The following LRFN5 variants were observed in gnomAD, a reference collection of about 807,000 sequenced individuals.
LRFN5 encodes the protein leucine-rich repeat and fibronectin type-III domain-containing protein 5.
LRFN5 carries 24 observed loss-of-function variants against 45.6 expected under a neutral mutation model. The observed-to-expected ratio is 0.53, with a 90% confidence interval of 0.38 to 0.74. The LOEUF (loss-of-function observed/expected upper bound fraction) is 0.74, where lower values mean the gene tolerates loss of function less well. Ranked by LOEUF, LRFN5 falls within the 30% of genes least tolerant of loss-of-function variation. The pLI, the probability that LRFN5 is intolerant of heterozygous loss-of-function variation, is 0.00. For missense variants in LRFN5, 776 were observed against 861.5 expected, an observed-to-expected ratio of 0.90 and a Z score of 1.24; for synonymous variants, 340 against 313.8, an observed-to-expected ratio of 1.08 and a Z score of -0.88.
intron 1 of LRFN5, among the ~76,000 whole-genome samples, chr14:41,637,620 T>A (rs540432771): frequency 6.6e-6 from 1 of 152,260 alleles, no homozygotes; most frequent in East Asian, 1.9e-4. Context: ...CCAGAACTCA[T>A]TGGGTGGATC....
At chr14:41,785,385 A>G (rs1886681421) in intron 2 of LRFN5, among the ~76,000 whole-genome samples, 1 of 151,874 alleles carries the variant, frequency 6.6e-6, no homozygotes, top group African/African-American at 2.4e-5. Context: ...GAGTATTTTT[A>G]GGATTGTATT....
At chr14:41,817,021 T>C (rs1284524627) in intron 2 of LRFN5, among the ~76,000 whole-genome samples, 1 of 142,734 alleles carries the variant, frequency 7.0e-6, no homozygotes, top group Non-Finnish European at 1.5e-5. Flanking sequence ...TTTTTTGAGA[T>C]AGCCTCAAGC....
chr14:41,805,851 G>C (rs1887508222), intron 2 of LRFN5, among the ~76,000 whole-genome samples: 1 of 151,990 alleles, frequency 6.6e-6, no homozygotes, highest in Non-Finnish European at 1.5e-5. Context: ...TTTTCTTTTT[G>C]GTTGTTGCAC....
chr14:41,898,015 G>T (rs1457880312), intron 4 of LRFN5, among the ~76,000 whole-genome samples: 3 of 151,874 alleles, frequency 2.0e-5, no homozygotes, highest in Non-Finnish European at 2.9e-5. Context: ...ATACAATTTT[G>T]TATTCTTTTT....
intron 1 of LRFN5, among the ~76,000 whole-genome samples, chr14:41,618,261 T>A: frequency 6.6e-6 from 1 of 152,172 alleles, no homozygotes; most frequent in East Asian, 1.9e-4. Context: ...GGCCGCAAAT[T>A]CATTGCAGTG....
chr14:41,706,442 A>AT (rs531504146), intron 1 of LRFN5, among the ~76,000 whole-genome samples: 235 of 152,104 alleles, frequency 1.5e-3, no homozygotes, highest in African/African-American at 5.5e-3. Context: ...TTTTTTTAAA[A>AT]TTTTTTATTT....
intron 1 of LRFN5, among the ~76,000 whole-genome samples, chr14:41,627,809 C>A (rs1243129722): frequency 6.6e-6 from 1 of 152,060 alleles, no homozygotes; most frequent in East Asian, 1.9e-4. Flanking sequence ...CTGCTTTAAG[C>A]AATCTTGTTA....
chr14:41,697,525 C>G (rs1388586274), intron 1 of LRFN5, among the ~76,000 whole-genome samples: 3 of 151,682 alleles, frequency 2.0e-5, no homozygotes, highest in African/African-American at 7.3e-5. Flanking sequence ...TTGAGACTGT[C>G]TTATTTAAAA....
chr14:41,847,454 GA>G (rs1167234607), intron 2 of LRFN5, among the ~76,000 whole-genome samples: 1 of 152,048 alleles, frequency 6.6e-6, no homozygotes, highest in Admixed American at 6.6e-5. Context: ...TCATGCATAA[GA>G]AATGTTTTTT....
rs151280882 is a variant in LRFN5, at chr14:41,877,069, A to C, written c.-20-9537A>C. On this transcript the variant is annotated intron_variant, in intron 2 of 5. Coordinates refer to ENST00000298119, the MANE Select transcript of LRFN5 (RefSeq NM_152447.5). ...AATATAAATAATATTTACCACTAGC[A>C]ATCTAACATACTAGGAAGAACATGG... Among the ~76,000 whole-genome samples, 368 of 152,304 alleles carry C rather than the reference A, an allele frequency of 2.4e-3. 1 individual carries two copies. Among genetic ancestry groups the C allele is most frequent in the African/African-American group, 8.5e-3 (353 of 41,562 alleles).
intron 4 of LRFN5, chr14:41,893,373 A>G (rs1890845708): frequency 1.0e-6 from 1 of 972,990 alleles, no homozygotes; most frequent in Non-Finnish European, 1.2e-6. Flanking sequence ...ATAAACAGTT[A>G]CCATCAAAGA....
chr14:41,739,026 T>C (rs1884571697), intron 1 of LRFN5, among the ~76,000 whole-genome samples: 1 of 152,152 alleles, frequency 6.6e-6, no homozygotes, highest in Admixed American at 6.6e-5. Context: ...TCTTAACAAA[T>C]TTAAGAAGAA....
chr14:41,626,260 A>G (rs1888328507), intron 1 of LRFN5, among the ~76,000 whole-genome samples: 1 of 152,158 alleles, frequency 6.6e-6, no homozygotes, highest in Non-Finnish European at 1.5e-5. Flanking sequence ...AGGCCAGTAT[A>G]TGCTACTTAC....
intron 1 of LRFN5, among the ~76,000 whole-genome samples, chr14:41,704,327 C>G (rs546272709): frequency 1.1e-4 from 17 of 152,010 alleles, no homozygotes; most frequent in African/African-American, 4.1e-4. Flanking sequence ...CATCTCATTA[C>G]TTTACCTCTG....
chr14:41,897,675 A>G (rs1890984365), intron 4 of LRFN5, among the ~76,000 whole-genome samples: 2 of 152,138 alleles, frequency 1.3e-5, no homozygotes, highest in Admixed American at 1.3e-4. Flanking sequence ...TCAGATAACA[A>G]TAGAATATAA....
At chr14:41,860,266 A>C (rs1444304707) in intron 2 of LRFN5, among the ~76,000 whole-genome samples, 2 of 152,222 alleles carry the variant, frequency 1.3e-5, no homozygotes, top group Non-Finnish European at 2.9e-5. Flanking sequence ...AGCAATAAAC[A>C]AGAAGAAAAT....
intron 2 of LRFN5, among the ~76,000 whole-genome samples, chr14:41,802,203 T>C (rs1887358424): frequency 1.3e-5 from 2 of 151,976 alleles, no homozygotes; most frequent in Admixed American, 1.3e-4. Context: ...ATTGCAATAG[T>C]GGAAAAGAAA....
At position 41,648,449 on chromosome 14, in the gene LRFN5, G is replaced by A. The variant is rs539525269; in HGVS notation, c.-197+39887G>A. ...CAGTAATCTTAGTCTAGGCAACCAA[G>A]CGAGACTTTTGTCTCTAAAAAATAA... On this transcript the variant is annotated intron_variant, in intron 1 of 5. Transcript: ENST00000298119. 3.3e-5 allele frequency among the ~76,000 whole-genome samples: 5 copies of A among 152,028 alleles called. No individual in the cohort carries two copies. The East Asian group carries it at 5.8e-4, about 18-fold the overall frequency.
At chr14:41,795,615 T>C (rs1887094722) in intron 2 of LRFN5, among the ~76,000 whole-genome samples, 1 of 152,092 alleles carries the variant, frequency 6.6e-6, no homozygotes, top group African/African-American at 2.4e-5. Flanking sequence ...GATGAGTTCA[T>C]GTCCTTTGTA....
Sources: allele counts gnomAD v4.1 joint callset (sites outside exome capture counted in the v4.1 genomes callset), GRCh38; gene constraint gnomAD v4.1.1; transcripts MANE v1.5; gene names NCBI Gene and HGNC (gene_info 2026-07-23, HGNC 2026-07-21).